Variants in CDKAL1 observed in about 807,000 individuals in gnomAD.
CDKAL1 encodes the protein CDKAL1 threonylcarbamoyladenosine tRNA methylthiotransferase.
In CDKAL1, 32 loss-of-function variants were observed where a neutral mutation model predicts 68.2. That is an observed-to-expected ratio of 0.47 (90% confidence interval 0.35 to 0.63). The LOEUF is 0.63. Ranked by LOEUF, CDKAL1 falls within the 30% of genes least tolerant of loss-of-function variation. The pLI is 0.00. For synonymous variants in CDKAL1, 234 were observed against 244.3 expected, an observed-to-expected ratio of 0.96 and a Z score of 0.39; for missense variants, 606 against 696.7, an observed-to-expected ratio of 0.87 and a Z score of 1.47.
chr6:20,989,929 A>G (rs1766702915), intron 10 of CDKAL1, among the ~76,000 whole-genome samples: 1 of 152,152 alleles, frequency 6.6e-6, no homozygotes, highest in Non-Finnish European at 1.5e-5. Flanking sequence ...CTTGTCCTTA[A>G]CAGAGCAGAA....
chr6:20,845,856 A>G (rs889962823), intron 8 of CDKAL1, among the ~76,000 whole-genome samples: 3 of 152,230 alleles, frequency 2.0e-5, no homozygotes, highest in African/African-American at 4.8e-5. Flanking sequence ...TTGTACAGTC[A>G]TTCTTGAGTA....
At chr6:20,658,643 T>G (rs1400746523) in intron 5 of CDKAL1, among the ~76,000 whole-genome samples, 1 of 125,234 alleles carries the variant, frequency 8.0e-6, no homozygotes. Flanking sequence ...TATTTCAACT[T>G]GAACTTGTAA....
intron 13 of CDKAL1, among the ~76,000 whole-genome samples, chr6:21,149,409 G>A (rs1776309291): frequency 1.3e-5 from 2 of 152,044 alleles, no homozygotes; most frequent in African/African-American, 2.4e-5. Context: ...GCCTCCCAAA[G>A]TGCTGGGATT....
chr6:20,978,878 T>G (rs544812953), intron 10 of CDKAL1, among the ~76,000 whole-genome samples: 6 of 152,302 alleles, frequency 3.9e-5, no homozygotes, highest in African/African-American at 1.4e-4. Context: ...ACTAGCATAG[T>G]ATTAGTACAC....
chr6:21,191,109 C>A (rs1460193986), intron 13 of CDKAL1, among the ~76,000 whole-genome samples: 1 of 152,206 alleles, frequency 6.6e-6, no homozygotes, highest in Non-Finnish European at 1.5e-5. Flanking sequence ...AGCCCAAATA[C>A]CCTGATGTCT....
At chr6:20,736,771 C>CAAA (rs776775631) in intron 5 of CDKAL1, among the ~76,000 whole-genome samples, 29 of 140,070 alleles carry the variant, frequency 2.1e-4, no homozygotes, top group South Asian at 6.8e-4. Flanking sequence ...GACTCTGCCT[C>CAAA]AAAAAAAAAA....
At chr6:20,610,140 T>A (rs978506918) in intron 4 of CDKAL1, among the ~76,000 whole-genome samples, 8 of 152,218 alleles carry the variant, frequency 5.3e-5, no homozygotes, top group Non-Finnish European at 1.2e-4. Context: ...TAGTATTCCA[T>A]GGTGTGTATA....
intron 11 of CDKAL1, among the ~76,000 whole-genome samples, chr6:21,052,091 G>C (rs894468025): frequency 3.3e-5 from 5 of 152,220 alleles, no homozygotes; most frequent in African/African-American, 1.2e-4. Flanking sequence ...TTTTAGAGCA[G>C]TTAATTTAAG....
At chr6:20,869,249 G>A (rs7766346) in intron 9 of CDKAL1, among the ~76,000 whole-genome samples, 145,991 of 152,318 alleles carry the variant, frequency 0.96, 69,978 homozygotes, top group East Asian at 1. Context: ...AAAGCTAACT[G>A]TCCCTAGTAA....
At chr6:20,554,145 G>A (rs1234969623) in intron 4 of CDKAL1, among the ~76,000 whole-genome samples, 1 of 152,168 alleles carries the variant, frequency 6.6e-6, no homozygotes, top group East Asian at 1.9e-4. Context: ...TTACAAAATC[G>A]TGCCTGCTTG....
intron 15 of CDKAL1, among the ~76,000 whole-genome samples, chr6:21,218,814 G>A (rs902768505): frequency 3.3e-5 from 5 of 152,200 alleles, no homozygotes; most frequent in African/African-American, 1.2e-4. Context: ...TTAGAAGCAA[G>A]TGAGTACATT....
chr6:20,765,975 T>C lies in CDKAL1; in HGVS notation c.517+7332T>C, dbSNP rs560391575. 2.1e-4 allele frequency among the ~76,000 whole-genome samples: 32 copies of C among 152,320 alleles called. No homozygotes were observed. In the South Asian group the frequency reaches 6.6e-3, roughly 32 times the overall value. ...TTGTAAGTGGTCAAGTTCACTGGGT[T>C]TTTTTAAATGAAGATAGTAAGTAAC... On this transcript the variant is annotated intron_variant, in intron 7 of 15. Transcript: ENST00000274695.
chr6:21,201,898 G>C (rs906873091), intron 15 of CDKAL1, among the ~76,000 whole-genome samples: 2 of 151,892 alleles, frequency 1.3e-5, no homozygotes, highest in South Asian at 2.1e-4. Flanking sequence ...AAATGAAAAT[G>C]TGTATCACAT....
chr6:20,587,986 G>T (rs564945682), intron 4 of CDKAL1, among the ~76,000 whole-genome samples: 10 of 152,044 alleles, frequency 6.6e-5, no homozygotes, highest in Middle Eastern at 3.4e-3. Context: ...GGTCCCAGCT[G>T]CTAAGGAGGT....
At chr6:21,129,138 A>C (rs938240306) in intron 13 of CDKAL1, among the ~76,000 whole-genome samples, 1 of 152,226 alleles carries the variant, frequency 6.6e-6, no homozygotes, top group Non-Finnish European at 1.5e-5. Flanking sequence ...TGAATGTAGT[A>C]AGCACTTAAT....
chr6:20,750,425 G>A (rs1326051935), intron 6 of CDKAL1, among the ~76,000 whole-genome samples: 2 of 152,148 alleles, frequency 1.3e-5, no homozygotes, highest in African/African-American at 4.8e-5. Context: ...TCAAATGAAT[G>A]TATTTATGCC....
intron 10 of CDKAL1, among the ~76,000 whole-genome samples, chr6:20,980,230 TAG>T: frequency 6.6e-6 from 1 of 151,824 alleles, no homozygotes; most frequent in Non-Finnish European, 1.5e-5. Context: ...GATATAGATA[TAG>T]ATATATAGAT....
chr6:20,827,827 T>C (rs932098276), intron 8 of CDKAL1, among the ~76,000 whole-genome samples: 3 of 152,236 alleles, frequency 2.0e-5, no homozygotes, highest in African/African-American at 7.2e-5. Context: ...AGACTGTCGA[T>C]ATACTTCTAT....
At chr6:20,718,772 G>A (rs531360410) in intron 5 of CDKAL1, among the ~76,000 whole-genome samples, 25 of 152,112 alleles carry the variant, frequency 1.6e-4, no homozygotes, top group Non-Finnish European at 3.4e-4. Context: ...TAAAAATTGA[G>A]TGCAGATTGC....
Sources: allele counts gnomAD v4.1 joint callset (sites outside exome capture counted in the v4.1 genomes callset), GRCh38; gene constraint gnomAD v4.1.1; transcripts MANE v1.5; gene names NCBI Gene and HGNC (gene_info 2026-07-23, HGNC 2026-07-21).